TNIK: variants seen among roughly 807,000 people sequenced by gnomAD.
The protein encoded by TNIK is TRAF2 and NCK-interacting protein kinase.
In TNIK, 49 loss-of-function variants were observed where a neutral mutation model predicts 191.3. The observed-to-expected ratio is 0.26, with a 90% CI of 0.20 to 0.32. The LOEUF (loss-of-function observed/expected upper bound fraction) is 0.32. Among genes scored for constraint, TNIK ranks in the 10% least tolerant of loss-of-function variants. The pLI, the probability that TNIK is intolerant of heterozygous loss-of-function variation, is 1.00. For synonymous variants in TNIK, 594 were observed against 600.9 expected (o/e 0.99, Z 0.17); for missense variants, 1,155 against 1,702.3 (o/e 0.68, Z 5.66).
chr3:171,146,434 G>C (rs1731594767), intron 12 of TNIK, among the ~76,000 whole-genome samples: 1 of 152,124 alleles, frequency 6.6e-6, no homozygotes, highest in Admixed American at 6.6e-5. Flanking sequence ...ATCCACATCT[G>C]AGAATTAATA....
At chr3:171,117,633 G>A (rs966206671) in intron 18 of TNIK, among the ~76,000 whole-genome samples, 1 of 152,120 alleles carries the variant, frequency 6.6e-6, no homozygotes, top group Non-Finnish European at 1.5e-5. Context: ...TTGACCAACT[G>A]ATGCCTGCAT....
At chr3:171,197,622 A>T (rs1738870677) in intron 4 of TNIK, among the ~76,000 whole-genome samples, 1 of 152,240 alleles carries the variant, frequency 6.6e-6, no homozygotes, top group South Asian at 2.1e-4. Flanking sequence ...TCCAAAGAAG[A>T]TATACAAATG....
chr3:171,376,464 A>G (rs528564670), intron 1 of TNIK, among the ~76,000 whole-genome samples: 2 of 152,274 alleles, frequency 1.3e-5, no homozygotes, highest in South Asian at 2.1e-4. Context: ...TGTGTTATAC[A>G]CTGTCCAAGG....
At chr3:171,459,168 G>A (rs1729113432) in intron 1 of TNIK, among the ~76,000 whole-genome samples, 1 of 152,086 alleles carries the variant, frequency 6.6e-6, no homozygotes, top group South Asian at 2.1e-4. Context: ...CAGTGGGGCT[G>A]GGGGGAGGGA....
chr3:171,139,382 A>ACACG lies in TNIK; in HGVS notation c.1419+87_1419+88insCGTG, dbSNP rs1172378241. The ACACG allele has an allele frequency of 1.8e-3, 1,353 of 736,022 alleles. 1 individual carries two copies. Among genetic ancestry groups the ACACG allele is most frequent in the Non-Finnish European group, 2.2e-3 (1,130 of 503,750 alleles). The allele number at this position is 736,022 out of a possible 1,614,324, so 45.6% of individuals were successfully genotyped here. A position where few individuals can be genotyped will look rare whatever the true frequency, so the allele number is the denominator to read the frequency against. On this transcript the variant is annotated intron_variant, in intron 14 of 32. Transcript: ENST00000436636. Reference sequence around the variant, plus strand: ...TAGAAGGACACACGCACGCGCGCACACACACACACACACACACACACACAC... The same window carrying ACACG: ...TAGAAGGACACACGCACGCGCGCACACACGCACACACACACACACACACACACAC...
At chr3:171,280,052 G>A (rs1750244089) in intron 2 of TNIK, among the ~76,000 whole-genome samples, 2 of 152,172 alleles carry the variant, frequency 1.3e-5, no homozygotes, top group African/African-American at 4.8e-5. Flanking sequence ...AATTAGCCAA[G>A]TACTTTCCCA....
chr3:171,367,668 A>C (rs1715928529), intron 2 of TNIK, among the ~76,000 whole-genome samples: 1 of 152,138 alleles, frequency 6.6e-6, no homozygotes, highest in Non-Finnish European at 1.5e-5. Context: ...ACAGGGTTGC[A>C]TCATGTTGGC....
intron 2 of TNIK, among the ~76,000 whole-genome samples, chr3:171,260,643 GCT>G (rs1447196317): frequency 6.6e-6 from 1 of 152,200 alleles, no homozygotes; most frequent in Non-Finnish European, 1.5e-5. Context: ...TTTGAGCTCA[GCT>G]CACAATGGTG....
intron 1 of TNIK, among the ~76,000 whole-genome samples, chr3:171,387,288 G>T (rs1718851857): frequency 6.6e-6 from 1 of 152,142 alleles, no homozygotes; most frequent in South Asian, 2.1e-4. Flanking sequence ...TCTTTTATTA[G>T]TGCAGAAATT....
At chr3:171,458,193 C>T (rs1033869604) in intron 1 of TNIK, among the ~76,000 whole-genome samples, 1 of 147,864 alleles carries the variant, frequency 6.8e-6, no homozygotes, top group African/African-American at 2.5e-5. Flanking sequence ...ACCCCACCCC[C>T]AGTCGGGGCC....
At chr3:171,446,703 T>G (rs1727540579) in intron 1 of TNIK, among the ~76,000 whole-genome samples, 1 of 152,238 alleles carries the variant, frequency 6.6e-6, no homozygotes, top group African/African-American at 2.4e-5. Flanking sequence ...AAGATTTTGA[T>G]TTTAGCAATT....
chr3:171,346,421 C>A (rs973410281), intron 2 of TNIK, among the ~76,000 whole-genome samples: 3 of 152,188 alleles, frequency 2.0e-5, no homozygotes, highest in Non-Finnish European at 4.4e-5. Context: ...ATACACCTTG[C>A]GCATGTCATC....
At chr3:171,306,070 G>A (rs952426225) in intron 2 of TNIK, among the ~76,000 whole-genome samples, 5 of 152,292 alleles carry the variant, frequency 3.3e-5, no homozygotes, top group African/African-American at 1.2e-4. Context: ...GCAGGAACGT[G>A]GATGGAACCG....
intron 1 of TNIK, among the ~76,000 whole-genome samples, chr3:171,415,709 G>A (rs1201595107): frequency 6.6e-6 from 1 of 151,924 alleles, no homozygotes; most frequent in East Asian, 1.9e-4. Flanking sequence ...AGCTGGGCAC[G>A]ATGACTCAAG....
At chr3:171,419,159 T>G (rs1723440167) in intron 1 of TNIK, among the ~76,000 whole-genome samples, 1 of 152,192 alleles carries the variant, frequency 6.6e-6, no homozygotes, top group Admixed American at 6.5e-5. Flanking sequence ...CTTCAACATA[T>G]GAATTTACAG....
chr3:171,416,853 A>G (rs1449280801), intron 1 of TNIK, among the ~76,000 whole-genome samples: 2 of 152,170 alleles, frequency 1.3e-5, no homozygotes, highest in Non-Finnish European at 2.9e-5. Flanking sequence ...TCTCTTGCCA[A>G]TAAAGTTCTT....
chr3:171,447,250 A>G (rs1329265221), intron 1 of TNIK, among the ~76,000 whole-genome samples: 2 of 152,018 alleles, frequency 1.3e-5, no homozygotes, highest in African/African-American at 4.8e-5. Context: ...ACTCCACAAG[A>G]ATGTCACTGT....
At chr3:171,256,705 C>T (rs1746923675) in intron 2 of TNIK, among the ~76,000 whole-genome samples, 1 of 152,128 alleles carries the variant, frequency 6.6e-6, no homozygotes, top group Admixed American at 6.5e-5. Context: ...CATTTATTAC[C>T]ACTGGCAGGA....
chr3:171,318,826 T>C (rs189966882), intron 2 of TNIK, among the ~76,000 whole-genome samples: 3 of 152,236 alleles, frequency 2.0e-5, no homozygotes, highest in African/African-American at 7.2e-5. Context: ...TATCAACACA[T>C]ATCCCAATGA....
Sources: gnomAD v4.1 joint callset for allele counts (sites outside exome capture counted in the v4.1 genomes callset) on GRCh38, gnomAD v4.1.1 for gene constraint, MANE v1.5 for transcripts, NCBI Gene and HGNC (gene_info 2026-07-23, HGNC 2026-07-21) for gene names.